The following GRIN2B variants were observed in gnomAD, a reference collection of about 807,000 sequenced individuals.
GRIN2B encodes glutamate ionotropic receptor NMDA type subunit 2B, also known as glutamate receptor ionotropic, NMDA 2B.
In GRIN2B, 5 loss-of-function variants were observed where a neutral mutation model predicts 114.5. The observed-to-expected ratio is 0.04, with a 90% CI of 0.02 to 0.09. The LOEUF (loss-of-function observed/expected upper bound fraction) is 0.09. GRIN2B is among the 10% of genes least tolerant of loss of function. The probability of loss-of-function intolerance (pLI) is 1.00; values close to 1 mark genes in which losing one functional copy is unlikely to be tolerated. For missense variants in GRIN2B, 1,108 were observed against 1,943.5 expected (o/e 0.57, Z 8.08); for synonymous variants, 787 against 745.1 (o/e 1.06, Z -0.92).
chr12:13,954,469 C>T (rs561689913), intron 2 of GRIN2B, among the ~76,000 whole-genome samples: 6 of 152,078 alleles, frequency 3.9e-5, no homozygotes, highest in African/African-American at 1.4e-4. Context: ...TCATCAGGCT[C>T]TTACAAGTAA....
intron 5 of GRIN2B, among the ~76,000 whole-genome samples, chr12:13,665,116 T>C (rs910587384): frequency 1.3e-5 from 2 of 151,288 alleles, no homozygotes; most frequent in Admixed American, 1.3e-4. Context: ...GGTTCTGAGT[T>C]CCTAACTGAA....
intron 2 of GRIN2B, among the ~76,000 whole-genome samples, chr12:13,961,446 G>T (rs530379442): frequency 6.6e-6 from 1 of 152,002 alleles, no homozygotes; most frequent in African/African-American, 2.4e-5. Context: ...CATTTTTGCC[G>T]GTAAGTGGTT....
chr12:13,638,341 A>T (rs1318685821), intron 5 of GRIN2B, among the ~76,000 whole-genome samples: 1 of 152,138 alleles, frequency 6.6e-6, no homozygotes, highest in African/African-American at 2.4e-5. Flanking sequence ...AAGGATTTTG[A>T]GCTCAGTGAT....
At chr12:13,613,631 G>C (rs566481957) in intron 8 of GRIN2B, among the ~76,000 whole-genome samples, 1 of 152,120 alleles carries the variant, frequency 6.6e-6, no homozygotes, top group East Asian at 1.9e-4. Flanking sequence ...ACCATAGCTG[G>C]ATTTTAATCC....
intron 5 of GRIN2B, among the ~76,000 whole-genome samples, chr12:13,649,280 G>T (rs1202942458): frequency 2.0e-5 from 3 of 152,004 alleles, no homozygotes; most frequent in African/African-American, 7.2e-5. Context: ...GGAGGGACTC[G>T]CTCTTCTCTA....
At chr12:13,859,761 G>C (rs890069220) in intron 3 of GRIN2B, among the ~76,000 whole-genome samples, 1 of 152,204 alleles carries the variant, frequency 6.6e-6, no homozygotes, top group African/African-American at 2.4e-5. Flanking sequence ...CAAGAAAGAA[G>C]AAATACTACT....
At chr12:13,607,740 G>C (rs894023233) in intron 10 of GRIN2B, among the ~76,000 whole-genome samples, 3 of 149,934 alleles carry the variant, frequency 2.0e-5, no homozygotes, top group Non-Finnish European at 4.4e-5. Flanking sequence ...GGGTGGGAGT[G>C]GAAAAATATC....
intron 2 of GRIN2B, among the ~76,000 whole-genome samples, chr12:13,919,831 A>T (rs1027654455): frequency 6.6e-6 from 1 of 152,232 alleles, no homozygotes; most frequent in Admixed American, 6.5e-5. Flanking sequence ...AACTCAAAAA[A>T]AAAGCAGACA....
rs540390707 is a variant in GRIN2B, at chr12:13,976,261, C to T, written c.-19+3667G>A. The stretch of plus-strand genomic sequence containing the variant: ...AAGAGTAGATGCACTTTAATAAATG[C>T]GAACAATTCATTAGACCAGTAACTC... On this transcript the variant is annotated intron_variant, in intron 2 of 13. Transcript: ENST00000609686. Among the ~76,000 whole-genome samples, 30 of 152,310 alleles carry T rather than the reference C, an allele frequency of 2.0e-4. 1 individual carries two copies. Among genetic ancestry groups the T allele is most frequent in the Admixed American group, 1.3e-3 (20 of 15,296 alleles).
At chr12:13,941,980 T>G (rs219909) in intron 2 of GRIN2B, among the ~76,000 whole-genome samples, 96,754 of 152,142 alleles carry the variant, frequency 0.64, 31,308 homozygotes, top group East Asian at 0.95. Flanking sequence ...GTACAAATGT[T>G]TGAGTCACAA....
chr12:13,972,691 C>G (rs1296440309), intron 2 of GRIN2B, among the ~76,000 whole-genome samples: 1 of 152,124 alleles, frequency 6.6e-6, no homozygotes, highest in Non-Finnish European at 1.5e-5. Flanking sequence ...GGCCACATGG[C>G]CAACCTTAGG....
intron 4 of GRIN2B, among the ~76,000 whole-genome samples, chr12:13,722,801 G>A (rs984311166): frequency 6.6e-6 from 1 of 152,096 alleles, no homozygotes; most frequent in Non-Finnish European, 1.5e-5. Flanking sequence ...AAAAGAAACT[G>A]GAGTTGCTTG....
intron 3 of GRIN2B, among the ~76,000 whole-genome samples, chr12:13,825,874 A>C (rs1423185661): frequency 2.0e-5 from 3 of 152,170 alleles, no homozygotes; most frequent in Non-Finnish European, 4.4e-5. Flanking sequence ...TGTCATAGAT[A>C]GCATATAGTT....
intron 2 of GRIN2B, among the ~76,000 whole-genome samples, chr12:13,917,116 C>A (rs916966128): frequency 6.6e-5 from 10 of 152,092 alleles, no homozygotes; most frequent in Non-Finnish European, 1.5e-4. Flanking sequence ...CCTGTCAGAC[C>A]TGCCAGTCCT....
chr12:13,774,744 T>C lies in GRIN2B; in HGVS notation c.412-20829A>G, dbSNP rs568307275. ...CGCATAACATGCGTTCAATCTTTCC[T>C]GAGCACTTACCATATAAAAGGCCCT... On this transcript the variant is annotated intron_variant, in intron 3 of 13. Transcript: ENST00000609686. Among the ~76,000 whole-genome samples, 4 of 152,324 alleles carry C rather than the reference T, an allele frequency of 2.6e-5. No individual in the cohort carries two copies. The South Asian group carries it at 6.2e-4, about 24-fold the overall frequency.
intron 5 of GRIN2B, among the ~76,000 whole-genome samples, chr12:13,650,165 C>T (rs1949800195): frequency 6.6e-6 from 1 of 152,002 alleles, no homozygotes; most frequent in African/African-American, 2.4e-5. Flanking sequence ...TGATATTCTT[C>T]ATCTCCCAAT....
rs148317601 is a variant in GRIN2B at position 13,826,403 on chromosome 12, G to A, written c.411+39395C>T. The stretch of plus-strand genomic sequence containing the variant: ...GGAGAATCGCTTGAACCCAGGAGGC[G>A]GAGGTTGCGGTGAGCCGAGATCATG... On this transcript the variant is annotated intron_variant, in intron 3 of 13. Transcript: ENST00000609686. 4.9e-3 allele frequency among the ~76,000 whole-genome samples: 746 copies of A among 152,140 alleles called. 5 individuals are homozygous for A. Among genetic ancestry groups the A allele is most frequent in the African/African-American group, 0.012 (498 of 41,492 alleles).
At chr12:13,847,423 A>G (rs1865489415) in intron 3 of GRIN2B, among the ~76,000 whole-genome samples, 1 of 152,148 alleles carries the variant, frequency 6.6e-6, no homozygotes, top group African/African-American at 2.4e-5. Flanking sequence ...AACTGAACCA[A>G]CTGGCCACAG....
intron 4 of GRIN2B, among the ~76,000 whole-genome samples, chr12:13,688,531 G>A (rs945636303): frequency 2.0e-5 from 3 of 152,158 alleles, no homozygotes; most frequent in Non-Finnish European, 2.9e-5. Flanking sequence ...TGAAGAAATT[G>A]AATGAATTTG....
Sources: gnomAD v4.1 joint callset for allele counts (sites outside exome capture counted in the v4.1 genomes callset) on GRCh38, gnomAD v4.1.1 for gene constraint, MANE v1.5 for transcripts, NCBI Gene and HGNC (gene_info 2026-07-23, HGNC 2026-07-21) for gene names.